MALRD1: variants seen among roughly 807,000 people sequenced by gnomAD.
The protein encoded by MALRD1 is MAM and LDL-receptor class A domain-containing protein 1.
In MALRD1, 247 loss-of-function variants were observed where a neutral mutation model predicts 242.1. That is an observed-to-expected ratio of 1.02 (90% CI 0.92 to 1.13). MALRD1 has a LOEUF of 1.13. MALRD1 is among the 50% of genes most tolerant of loss of function. The probability of loss-of-function intolerance (pLI) is 0.00; values close to 1 mark genes in which losing one functional copy is unlikely to be tolerated. For synonymous variants in MALRD1, 995 were observed against 866.6 expected, an observed-to-expected ratio of 1.15 and a Z score of -2.60; for missense variants, 2,989 against 2,533.1, an observed-to-expected ratio of 1.18 and a Z score of -3.86.
At chr10:19,205,763 G>T (rs1836755049) in intron 17 of MALRD1, among the ~76,000 whole-genome samples, 1 of 152,052 alleles carries the variant, frequency 6.6e-6, no homozygotes. Context: ...AGGGGAAAGA[G>T]GGCCCAAAAT....
chr10:19,655,638 C>G (rs1432798135), intron 36 of MALRD1, among the ~76,000 whole-genome samples: 1 of 145,068 alleles, frequency 6.9e-6, no homozygotes, highest in African/African-American at 2.5e-5. Flanking sequence ...TGAGATATAT[C>G]TAGACATACG....
intron 20 of MALRD1, among the ~76,000 whole-genome samples, chr10:19,281,109 T>A (rs1436416818): frequency 6.6e-6 from 1 of 152,188 alleles, no homozygotes; most frequent in East Asian, 1.9e-4. Context: ...TGTTTTTTAA[T>A]GTACAAATAC....
chr10:19,688,579 T>C (rs1287517069), intron 36 of MALRD1, among the ~76,000 whole-genome samples: 2 of 151,914 alleles, frequency 1.3e-5, no homozygotes, highest in African/African-American at 4.8e-5. Context: ...TCTTAATAGG[T>C]AGTTATGGTC....
intron 29 of MALRD1, among the ~76,000 whole-genome samples, chr10:19,456,192 C>T (rs535144221): frequency 1.3e-5 from 2 of 152,210 alleles, no homozygotes; most frequent in African/African-American, 4.8e-5. Context: ...GCAAAACACT[C>T]ACACCCCCCG....
intron 36 of MALRD1, among the ~76,000 whole-genome samples, chr10:19,642,463 C>T (rs1840434103): frequency 6.6e-6 from 1 of 152,114 alleles, no homozygotes; most frequent in Non-Finnish European, 1.5e-5. Flanking sequence ...TCTTACATTG[C>T]TACCTCCCAT....
intron 14 of MALRD1, among the ~76,000 whole-genome samples, chr10:19,191,050 G>A (rs556327719): frequency 6.6e-6 from 1 of 152,224 alleles, no homozygotes; most frequent in South Asian, 2.1e-4. Flanking sequence ...TTTGCAAATT[G>A]TATATCTGAT....
chr10:19,616,141 C>T (rs879395728), intron 36 of MALRD1, among the ~76,000 whole-genome samples: 2 of 151,804 alleles, frequency 1.3e-5, no homozygotes, highest in Non-Finnish European at 2.9e-5. Context: ...GCATGTTTTT[C>T]AACATTTTAT....
intron 26 of MALRD1, among the ~76,000 whole-genome samples, chr10:19,376,614 G>A (rs535258577): frequency 1.8e-4 from 25 of 139,070 alleles, no homozygotes; most frequent in Non-Finnish European, 1.7e-4. Context: ...GGAGTGCAGT[G>A]GCATGATCTT....
intron 31 of MALRD1, among the ~76,000 whole-genome samples, chr10:19,502,031 GAA>G (rs1370673228): frequency 7.6e-6 from 1 of 132,326 alleles, no homozygotes; most frequent in Non-Finnish European, 1.6e-5. Flanking sequence ...AAAAAGAAAA[GAA>G]AAGAAAAGAA....
chr10:19,452,419 G>A (rs1033469830), intron 29 of MALRD1, among the ~76,000 whole-genome samples: 2 of 152,148 alleles, frequency 1.3e-5, no homozygotes, highest in Non-Finnish European at 2.9e-5. Flanking sequence ...GTGATCAACT[G>A]CTTTTAGGCC....
At chr10:19,359,942 TA>T (rs1844818314) in intron 26 of MALRD1, among the ~76,000 whole-genome samples, 1 of 152,142 alleles carries the variant, frequency 6.6e-6, no homozygotes, top group African/African-American at 2.4e-5. Context: ...AATGCCATGA[TA>T]AACATTACAC....
intron 19 of MALRD1, among the ~76,000 whole-genome samples, chr10:19,274,184 T>G (rs964945610): frequency 7.9e-5 from 12 of 152,180 alleles, no homozygotes; most frequent in Non-Finnish European, 1.5e-5. Flanking sequence ...CTTGTGTCAT[T>G]GCCACATTAT....
chr10:19,183,423 G>A (rs1835603801), intron 14 of MALRD1, among the ~76,000 whole-genome samples: 1 of 151,864 alleles, frequency 6.6e-6, no homozygotes, highest in Non-Finnish European at 1.5e-5. Context: ...AAAAACAGGG[G>A]TTTCTTATAA....
intron 4 of MALRD1, among the ~76,000 whole-genome samples, chr10:19,103,566 T>A (rs11008490): frequency 0.43 from 59,081 of 136,968 alleles, 13,219 homozygotes; most frequent in Middle Eastern, 0.52. Flanking sequence ...AAAAAAAAAA[T>A]AAATAAAGAT....
At chr10:19,191,495 T>C (rs1228987076) in intron 14 of MALRD1, among the ~76,000 whole-genome samples, 3 of 152,156 alleles carry the variant, frequency 2.0e-5, no homozygotes, top group African/African-American at 4.8e-5. Context: ...TTTGGGTATA[T>C]ACTCAAAATA....
intron 34 of MALRD1, 65 bp from the exon 35 acceptor site, chr10:19,607,712 A>T: frequency 6.6e-7 from 1 of 1,506,150 alleles, no homozygotes; most frequent in South Asian, 1.3e-5. Context: ...TTTTGTTGTG[A>T]GAATTCATTG....
chr10:19,720,889 A>G (rs994367157), intron 38 of MALRD1, among the ~76,000 whole-genome samples: 3 of 152,210 alleles, frequency 2.0e-5, no homozygotes, highest in African/African-American at 7.2e-5. Context: ...AAGAAAGATG[A>G]TACATGTGAA....
intron 38 of MALRD1, among the ~76,000 whole-genome samples, chr10:19,703,707 C>T (rs1833721132): frequency 6.6e-6 from 1 of 152,064 alleles, no homozygotes; most frequent in Non-Finnish European, 1.5e-5. Context: ...CCAGCCTGGC[C>T]AACATGGCAA....
chr10:19,526,282 A>G (rs1834096320), intron 31 of MALRD1, among the ~76,000 whole-genome samples: 1 of 151,898 alleles, frequency 6.6e-6, no homozygotes, highest in Non-Finnish European at 1.5e-5. Context: ...GATACAGTAC[A>G]TAGTTTCTGG....
Sources: gnomAD v4.1 joint callset for allele counts (sites outside exome capture counted in the v4.1 genomes callset) on GRCh38, gnomAD v4.1.1 for gene constraint, MANE v1.5 for transcripts, NCBI Gene and HGNC (gene_info 2026-07-23, HGNC 2026-07-21) for gene names.